Variants in WDFY2 observed in about 807,000 individuals in gnomAD.
The protein encoded by WDFY2 is WD repeat and FYVE domain containing 2.
WDFY2 carries 36 observed loss-of-function variants against 56.4 expected under a neutral mutation model. The ratio of observed to expected loss-of-function variants is 0.64; its 90% CI spans 0.49 to 0.84. The LOEUF (loss-of-function observed/expected upper bound fraction) is 0.84, where lower values mean the gene tolerates loss of function less well. WDFY2 is among the 40% of genes least tolerant of loss of function. WDFY2 has a pLI of 0.00. For synonymous variants in WDFY2, 176 were observed against 183.7 expected (o/e 0.96, Z 0.34); for missense variants, 444 against 512.2 (o/e 0.87, Z 1.29).
chr13:51,732,509 T>C (rs1430340876), intron 6 of WDFY2, among the ~76,000 whole-genome samples: 2 of 152,232 alleles, frequency 1.3e-5, no homozygotes, highest in Non-Finnish European at 2.9e-5. Flanking sequence ...AGCATGAACA[T>C]ATTTGAAACA....
At chr13:51,628,089 C>A (rs1227570700) in intron 1 of WDFY2, among the ~76,000 whole-genome samples, 1 of 152,220 alleles carries the variant, frequency 6.6e-6, no homozygotes, top group Non-Finnish European at 1.5e-5. Context: ...TGGGGTTTCA[C>A]TGGGGACCCA....
intron 6 of WDFY2, among the ~76,000 whole-genome samples, chr13:51,728,494 A>G (rs7329391): frequency 0.16 from 23,647 of 152,098 alleles, 2,250 homozygotes; most frequent in African/African-American, 0.25. Context: ...GCCAGTTTTC[A>G]TGGTTCTTAA....
intron 3 of WDFY2, among the ~76,000 whole-genome samples, chr13:51,695,286 C>T (rs1951843039): frequency 6.6e-6 from 1 of 152,184 alleles, no homozygotes; most frequent in Admixed American, 6.5e-5. Flanking sequence ...AGTTTTTCTG[C>T]TCTGTTTTTT....
At chr13:51,689,841 A>ACAT (rs1405971978) in intron 3 of WDFY2, among the ~76,000 whole-genome samples, 1 of 152,204 alleles carries the variant, frequency 6.6e-6, no homozygotes, top group Non-Finnish European at 1.5e-5. Flanking sequence ...GCAAAGCCTA[A>ACAT]CATCAAGTCA....
Position 51,604,187 on chromosome 13 carries a change from A to G in WDFY2, c.137+19363A>G, listed in dbSNP as rs143938490. On this transcript the variant is annotated intron_variant, in intron 1 of 11. Transcript: ENST00000298125. ...GAGCCAGTCTTTTGTGCTGTAAAGG[A>G]TAATTTCTTTAGAAAATAATACATG... is the stretch of plus-strand genomic sequence containing the variant. Among the ~76,000 whole-genome samples, 758 of 152,324 alleles carry G rather than the reference A, an allele frequency of 5.0e-3. 5 individuals carry two copies. The highest frequency in any genetic ancestry group is 0.014 in the African/African-American group (594 of 41,574).
At position 51,767,469 on chromosome 13, in the gene WDFY2, C is replaced by T. The variant is rs1953785403; in HGVS notation, c.*7700C>T. 1 of 152,098 alleles carries T rather than the reference C, an allele frequency of 6.6e-6. No individual in the cohort carries two copies. The highest frequency in any genetic ancestry group is 2.4e-5 in the African/African-American group (1 of 41,400). 9.4% of individuals were successfully genotyped at this position (152,098 alleles called of 1,614,324 possible). ...GAGAAGCTGCAGCCGTCTGGGTTTT[C>T]CTCTGCTATGGGGGATGAGTTACGT... is the stretch of plus-strand genomic sequence containing the variant. On this transcript the variant is annotated 3_prime_UTR_variant, in exon 12 of 12. Coordinates refer to ENST00000298125, the MANE Select transcript of WDFY2 (RefSeq NM_052950.4).
chr13:51,672,859 A>G (rs1201561177), intron 2 of WDFY2, among the ~76,000 whole-genome samples: 3 of 152,190 alleles, frequency 2.0e-5, no homozygotes, highest in African/African-American at 7.2e-5. Flanking sequence ...GTCACTGTTG[A>G]TGTATAGCAG....
chr13:51,728,014 T>C (rs200004866), intron 6 of WDFY2, among the ~76,000 whole-genome samples: 1 of 152,148 alleles, frequency 6.6e-6, no homozygotes, highest in Non-Finnish European at 1.5e-5. Flanking sequence ...ATTTTGAAAA[T>C]GTTGATAATT....
intron 1 of WDFY2, among the ~76,000 whole-genome samples, chr13:51,603,215 A>T (rs749987051): frequency 8.0e-4 from 122 of 152,180 alleles, no homozygotes; most frequent in Non-Finnish European, 1.4e-3. Context: ...TCTTGTTTAG[A>T]CACCACATAT....
intron 1 of WDFY2, among the ~76,000 whole-genome samples, chr13:51,596,680 A>G (rs1406904005): frequency 2.6e-5 from 4 of 152,220 alleles, no homozygotes; most frequent in African/African-American, 7.2e-5. Flanking sequence ...CATTGTTCAT[A>G]TAAGACCAGA....
At position 51,767,103 on chromosome 13, in the gene WDFY2, G is replaced by A. The variant is rs565918549; in HGVS notation, c.*7334G>A. 1.3e-5 allele frequency: 2 copies of A among 152,258 alleles called. No homozygotes were observed. Among genetic ancestry groups the A allele is most frequent in the Non-Finnish European group, 2.9e-5 (2 of 68,050 alleles). 9.4% of individuals were successfully genotyped at this position (152,258 alleles called of 1,614,324 possible). A position where few individuals can be genotyped will look rare whatever the true frequency, so the allele number is the denominator to read the frequency against. ...TGACTTCGGGGCAAACACTGCCAGG[G>A]AAAGCCTCATTTAAAACTTGTGAGG... On this transcript the variant is annotated 3_prime_UTR_variant, in exon 12 of 12. Transcript: ENST00000298125.
rs533282943 is a variant in WDFY2 at position 51,619,872 on chromosome 13, G to A, written c.137+35048G>A. Among the ~76,000 whole-genome samples, 3 of 152,350 alleles carry A rather than the reference G, an allele frequency of 2.0e-5. No individual in the cohort carries two copies. The East Asian group carries it at 5.8e-4, about 29-fold the overall frequency. On this transcript the variant is annotated intron_variant, in intron 1 of 11. Transcript: ENST00000298125. ...CGTTTGCCTTATTTGAACCTGCCTTGCATAGTTGGCTGCCTATAGTTGGCT... is the reference window on the plus strand; with the variant it reads ...CGTTTGCCTTATTTGAACCTGCCTTACATAGTTGGCTGCCTATAGTTGGCT...
chr13:51,685,996 T>C (rs929123739), intron 3 of WDFY2, among the ~76,000 whole-genome samples: 1 of 152,190 alleles, frequency 6.6e-6, no homozygotes, highest in Admixed American at 6.6e-5. Context: ...GTCATCCTTA[T>C]AGAAGCCCTT....
At chr13:51,634,568 G>C (rs1955010669) in intron 1 of WDFY2, among the ~76,000 whole-genome samples, 1 of 152,182 alleles carries the variant, frequency 6.6e-6, no homozygotes, top group African/African-American at 2.4e-5. Context: ...CCAGCACCTT[G>C]GGAGGCCAGG....
At chr13:51,681,745 A>G (rs1955980428) in intron 3 of WDFY2, among the ~76,000 whole-genome samples, 1 of 152,194 alleles carries the variant, frequency 6.6e-6, no homozygotes, top group Admixed American at 6.5e-5. Context: ...CTTAGCAGGA[A>G]AATAGTCTTA....
Position 51,731,189 on chromosome 13 carries a change from G to A in WDFY2, c.598+3399G>A, listed in dbSNP as rs1952715025. Among the ~76,000 whole-genome samples, 4 of 152,296 alleles carry A rather than the reference G, an allele frequency of 2.6e-5. No homozygotes were observed. In the South Asian group the frequency reaches 8.3e-4, roughly 32 times the overall value. On this transcript the variant is annotated intron_variant, in intron 6 of 11. Transcript: ENST00000298125. The stretch of plus-strand genomic sequence containing the variant: ...CCCAGGTTTGCTTTAGGCAGAGGTG[G>A]CTTTCAGCCTGACTTCTTGACTCTA...
At chr13:51,714,267 CTTTTTG>C (rs1280104398) in intron 4 of WDFY2, among the ~76,000 whole-genome samples, 1 of 151,056 alleles carries the variant, frequency 6.6e-6, no homozygotes, top group Non-Finnish European at 1.5e-5. Flanking sequence ...TTGGAACCCT[CTTTTTG>C]TTTTTGTTTT....
chr13:51,596,247 A>G (rs970716549), intron 1 of WDFY2, among the ~76,000 whole-genome samples: 2 of 152,210 alleles, frequency 1.3e-5, no homozygotes, highest in African/African-American at 4.8e-5. Context: ...AGTAATTTTT[A>G]TCTAGAAAAT....
intron 1 of WDFY2, among the ~76,000 whole-genome samples, chr13:51,606,269 T>C (rs1187755456): frequency 6.6e-6 from 1 of 152,198 alleles, no homozygotes; most frequent in Non-Finnish European, 1.5e-5. Flanking sequence ...TTGTTGAGGA[T>C]TTTGTGTACC....
Sources: gnomAD v4.1 joint callset for allele counts (sites outside exome capture counted in the v4.1 genomes callset) on GRCh38, gnomAD v4.1.1 for gene constraint, MANE v1.5 for transcripts, NCBI Gene and HGNC (gene_info 2026-07-23, HGNC 2026-07-21) for gene names.